MAP4K5: variants seen among roughly 807,000 people sequenced by gnomAD.
The protein encoded by MAP4K5 is mitogen-activated protein kinase kinase kinase kinase 5.
A neutral mutation model predicts 135.6 loss-of-function variants in MAP4K5; 82 were observed. The ratio of observed to expected loss-of-function variants is 0.60; its 90% CI spans 0.51 to 0.73. The LOEUF (loss-of-function observed/expected upper bound fraction) is 0.73, where lower values mean the gene tolerates loss of function less well. MAP4K5 is among the 30% of genes least tolerant of loss of function. The pLI is 0.00. For synonymous variants in MAP4K5, 347 were observed against 335.0 expected, an observed-to-expected ratio of 1.04 and a Z score of -0.39; for missense variants, 907 against 1,010.9, an observed-to-expected ratio of 0.90 and a Z score of 1.39.
intron 1 of MAP4K5, among the ~76,000 whole-genome samples, chr14:50,546,901 A>G (rs775615462): frequency 6.6e-6 from 1 of 152,254 alleles, no homozygotes; most frequent in Admixed American, 6.5e-5. Flanking sequence ...GGTTTGTTAC[A>G]TAGGCATACA....
chr14:50,482,063 A>G (rs1325163792), intron 6 of MAP4K5, among the ~76,000 whole-genome samples: 1 of 152,232 alleles, frequency 6.6e-6, no homozygotes. Context: ...CAAGTGCTAT[A>G]AAGGAGAATA....
intron 14 of MAP4K5, chr14:50,449,857 T>C (rs2036441687): frequency 6.6e-6 from 1 of 152,194 alleles, no homozygotes; most frequent in South Asian, 2.1e-4. Context: ...AGTTTGTTTT[T>C]GTGACAACCA....
chr14:50,468,514 A>G (rs2036883221), intron 10 of MAP4K5, 137 bp downstream of exon 10: 2 of 825,624 alleles, frequency 2.4e-6, no homozygotes, highest in South Asian at 2.0e-5. Context: ...TAGGTTTTGG[A>G]TGAGATTACT....
At chr14:50,531,423 T>C (rs2038384866) in intron 2 of MAP4K5, among the ~76,000 whole-genome samples, 1 of 152,218 alleles carries the variant, frequency 6.6e-6, no homozygotes, top group Non-Finnish European at 1.5e-5. Flanking sequence ...AGGAAAAGCA[T>C]CTTTTTATAT....
At chr14:50,449,760 CTT>C (rs931242584) in intron 14 of MAP4K5, 6 of 152,158 alleles carry the variant, frequency 3.9e-5, no homozygotes, top group East Asian at 1.9e-4. Context: ...ACATTAATGA[CTT>C]AACGTAATTA....
intron 5 of MAP4K5, among the ~76,000 whole-genome samples, chr14:50,485,284 T>C (rs2139927561): frequency 6.6e-6 from 1 of 152,286 alleles, no homozygotes; most frequent in East Asian, 1.9e-4. Context: ...TTTCAATTTT[T>C]TTTTACAAGG....
intron 3 of MAP4K5, among the ~76,000 whole-genome samples, chr14:50,496,798 C>T (rs2037604361): frequency 6.6e-6 from 1 of 151,256 alleles, no homozygotes; most frequent in African/African-American, 2.4e-5. Flanking sequence ...CAGGTGTGAA[C>T]CACCGCTCCC....
chr14:50,421,440 T>C (rs2139603772), intron 32 of MAP4K5, among the ~76,000 whole-genome samples: 1 of 151,876 alleles, frequency 6.6e-6, no homozygotes, highest in South Asian at 2.1e-4. Context: ...TTTTGTATTT[T>C]TAGCAGGGAC....
intron 1 of MAP4K5, among the ~76,000 whole-genome samples, chr14:50,552,442 A>G (rs2038714307): frequency 6.6e-6 from 1 of 152,198 alleles, no homozygotes; most frequent in Non-Finnish European, 1.5e-5. Flanking sequence ...CCATACTGCC[A>G]AAAGCAATAT....
chr14:50,453,461 A>AC (rs1416350493), intron 14 of MAP4K5, among the ~76,000 whole-genome samples: 1 of 151,648 alleles, frequency 6.6e-6, no homozygotes, highest in Non-Finnish European at 1.5e-5. Context: ...TCATATAATG[A>AC]CCCCCTCTGA....
At chr14:50,494,041 T>G (rs2037542086) in intron 3 of MAP4K5, among the ~76,000 whole-genome samples, 1 of 151,312 alleles carries the variant, frequency 6.6e-6, no homozygotes, top group African/African-American at 2.4e-5. Flanking sequence ...TAAACTGAAC[T>G]AAGGAACTGA....
chr14:50,439,024 A>T (rs1015341433), intron 23 of MAP4K5, among the ~76,000 whole-genome samples: 7 of 152,088 alleles, frequency 4.6e-5, no homozygotes, highest in African/African-American at 1.7e-4. Context: ...ACAGTAATAT[A>T]AAATATTAAC....
upstream of MAP4K5, among the ~76,000 whole-genome samples, chr14:50,535,073 A>G (rs971667305): frequency 1.3e-5 from 2 of 152,238 alleles, no homozygotes; most frequent in Middle Eastern, 3.2e-3. Context: ...TTCCAACCTA[A>G]TTGTCATGCA....
chr14:50,497,099 A>G (rs2037610921), intron 3 of MAP4K5, among the ~76,000 whole-genome samples: 3 of 152,228 alleles, frequency 2.0e-5, no homozygotes, highest in Admixed American at 2.0e-4. Flanking sequence ...TTTTTCAGAA[A>G]ATCAATCCAA....
intron 1 of MAP4K5, among the ~76,000 whole-genome samples, chr14:50,546,026 A>T (rs2038626909): frequency 1.3e-5 from 2 of 152,106 alleles, no homozygotes; most frequent in African/African-American, 2.4e-5. Context: ...AATCAAACTC[A>T]CTGTTTATGG....
intron 2 of MAP4K5, among the ~76,000 whole-genome samples, chr14:50,528,326 G>C (rs2038311383): frequency 6.9e-6 from 1 of 145,216 alleles, no homozygotes. Flanking sequence ...TGGTATTGAT[G>C]AACATAAAAG....
intron 18 of MAP4K5, 115 bp from the exon 19 acceptor site, chr14:50,444,151 A>C (rs2036290959): frequency 1.4e-6 from 1 of 714,224 alleles, no homozygotes; most frequent in Admixed American, 2.1e-5. Context: ...TTTATTGGGG[A>C]ATATTCTCTA....
chr14:50,530,238 A>G (rs757791955), intron 2 of MAP4K5, among the ~76,000 whole-genome samples: 1 of 152,188 alleles, frequency 6.6e-6, no homozygotes, highest in Non-Finnish European at 1.5e-5. Context: ...AAGAGAGACT[A>G]GGGCAGGAAG....
In MAP4K5 at chr14:50,467,704, G is replaced by C. The variant is rs191916122; in HGVS notation, c.674+947C>G. On this transcript the variant is annotated intron_variant, in intron 10 of 32. Coordinates refer to ENST00000682126, the MANE Select transcript of MAP4K5 (RefSeq NM_006575.6). ...AAACGGTGGAAGCACTGAAACATTTGTATTGCCCATAACAAATAACATCAA... is the reference window on the plus strand; with the variant it reads ...AAACGGTGGAAGCACTGAAACATTTCTATTGCCCATAACAAATAACATCAA... Among the ~76,000 whole-genome samples, 104 of 152,054 alleles carry C rather than the reference G, an allele frequency of 6.8e-4. 1 individual carries two copies. Among genetic ancestry groups the C allele is most frequent in the African/African-American group, 2.3e-3 (97 of 41,526 alleles).
Sources: gnomAD v4.1 joint callset for allele counts (sites outside exome capture counted in the v4.1 genomes callset) on GRCh38, gnomAD v4.1.1 for gene constraint, MANE v1.5 for transcripts, NCBI Gene and HGNC (gene_info 2026-07-23, HGNC 2026-07-21) for gene names.